Variants in LRRC4C observed in about 807,000 individuals in gnomAD.
The protein encoded by LRRC4C is leucine rich repeat containing 4C.
Under a neutral mutation model 33.6 loss-of-function variants are expected in LRRC4C, and 5 were observed. The ratio of observed to expected loss-of-function variants is 0.15; its 90% CI spans 0.08 to 0.31. The LOEUF (loss-of-function observed/expected upper bound fraction) is 0.31. Ranked by LOEUF, LRRC4C falls within the 10% of genes least tolerant of loss-of-function variation. The pLI, the probability that LRRC4C is intolerant of heterozygous loss-of-function variation, is 1.00. For synonymous variants in LRRC4C, 329 were observed against 302.0 expected, an observed-to-expected ratio of 1.09 and a Z score of -0.93; for missense variants, 560 against 796.7, an observed-to-expected ratio of 0.70 and a Z score of 3.58.
intron 2 of LRRC4C, among the ~76,000 whole-genome samples, chr11:40,800,902 TATCTG>T (rs1336408630): frequency 6.6e-6 from 1 of 152,206 alleles, no homozygotes; most frequent in African/African-American, 2.4e-5. Flanking sequence ...TCATCTCTAT[TATCTG>T]TGAGCTCCAG....
chr11:40,967,047 A>G (rs1265306962), intron 1 of LRRC4C, among the ~76,000 whole-genome samples: 1 of 152,060 alleles, frequency 6.6e-6, no homozygotes, highest in Non-Finnish European at 1.5e-5. Context: ...GAAAGAGGTG[A>G]CATTCAGACA....
At chr11:40,227,000 G>A (rs1036119760) in intron 5 of LRRC4C, among the ~76,000 whole-genome samples, 3 of 152,068 alleles carry the variant, frequency 2.0e-5, no homozygotes, top group Non-Finnish European at 4.4e-5. Context: ...CTCCTGAAAG[G>A]TGAGACCTCA....
intron 5 of LRRC4C, among the ~76,000 whole-genome samples, chr11:40,228,026 A>T (rs1296385154): frequency 1.3e-5 from 2 of 152,154 alleles, no homozygotes; most frequent in African/African-American, 4.8e-5. Flanking sequence ...TAACTAGTAA[A>T]AGTCAAAGGA....
chr11:40,484,448 T>G (rs1167050208), intron 3 of LRRC4C, among the ~76,000 whole-genome samples: 1 of 152,004 alleles, frequency 6.6e-6, no homozygotes, highest in Admixed American at 6.6e-5. Context: ...AAAGGTACTG[T>G]GAATACTAAT....
At chr11:41,407,948 G>A (rs1336180799) in intron 1 of LRRC4C, among the ~76,000 whole-genome samples, 1 of 152,152 alleles carries the variant, frequency 6.6e-6, no homozygotes, top group African/African-American at 2.4e-5. Context: ...AGCTTGCCTT[G>A]CCCTGGAGGT....
chr11:41,161,482 G>A (rs1277632663), intron 1 of LRRC4C, among the ~76,000 whole-genome samples: 1 of 151,918 alleles, frequency 6.6e-6, no homozygotes, highest in Non-Finnish European at 1.5e-5. Context: ...CTGGTCTTGG[G>A]GGCACACTGA....
chr11:40,648,978 G>C (rs975216832), intron 2 of LRRC4C, among the ~76,000 whole-genome samples: 2 of 152,132 alleles, frequency 1.3e-5, no homozygotes, highest in African/African-American at 4.8e-5. Context: ...GGGGAGGGGT[G>C]TACAAAAGGG....
chr11:40,300,636 A>G (rs1278477383), intron 4 of LRRC4C, among the ~76,000 whole-genome samples: 13 of 152,160 alleles, frequency 8.5e-5, no homozygotes, highest in African/African-American at 2.9e-4. Flanking sequence ...AAAATAGTAC[A>G]GTATTTGCAT....
intron 1 of LRRC4C, among the ~76,000 whole-genome samples, chr11:41,327,878 G>C (rs190074408): frequency 5.3e-5 from 8 of 152,164 alleles, no homozygotes; most frequent in Non-Finnish European, 1.0e-4. Context: ...GATTGTGAGG[G>C]CTCCCCAGCC....
chr11:40,301,280 C>A (rs556080971), intron 4 of LRRC4C, among the ~76,000 whole-genome samples: 2 of 152,266 alleles, frequency 1.3e-5, no homozygotes, highest in African/African-American at 2.4e-5. Flanking sequence ...TAAATAGTGA[C>A]CCAATCACTT....
chr11:41,204,608 C>G (rs1946525244), intron 1 of LRRC4C, among the ~76,000 whole-genome samples: 1 of 152,212 alleles, frequency 6.6e-6, no homozygotes, highest in Admixed American at 6.5e-5. Context: ...GAGTCAGACT[C>G]TGGCTGTCAG....
chr11:41,060,618 A>G (rs1215592252), intron 1 of LRRC4C, among the ~76,000 whole-genome samples: 2 of 152,122 alleles, frequency 1.3e-5, no homozygotes, highest in Non-Finnish European at 2.9e-5. Context: ...TCTAACTGTA[A>G]TTACTTGCTT....
intron 5 of LRRC4C, among the ~76,000 whole-genome samples, chr11:40,240,960 T>C (rs960266090): frequency 7.2e-5 from 11 of 152,220 alleles, no homozygotes; most frequent in Non-Finnish European, 1.3e-4. Flanking sequence ...TAAATATCTC[T>C]ACACAATGCA....
intron 2 of LRRC4C, among the ~76,000 whole-genome samples, chr11:40,854,688 A>ACAAAAAAAT (rs1953688397): frequency 6.6e-6 from 1 of 151,472 alleles, no homozygotes; most frequent in African/African-American, 2.4e-5. Context: ...ATGTTTGTGT[A>ACAAAAAAAT]ATTAAACACA....
intron 4 of LRRC4C, among the ~76,000 whole-genome samples, chr11:40,299,873 T>C (rs1298993564): frequency 6.6e-6 from 1 of 152,222 alleles, no homozygotes; most frequent in Non-Finnish European, 1.5e-5. Flanking sequence ...AGACAGTAGC[T>C]ACCTCAATGT....
intron 3 of LRRC4C, among the ~76,000 whole-genome samples, chr11:40,573,252 A>T (rs1028501904): frequency 6.6e-6 from 1 of 152,170 alleles, no homozygotes; most frequent in Non-Finnish European, 1.5e-5. Flanking sequence ...ATATACCTAC[A>T]AACCTATAAA....
chr11:41,268,281 T>A (rs1368582321), intron 1 of LRRC4C, among the ~76,000 whole-genome samples: 1 of 152,016 alleles, frequency 6.6e-6, no homozygotes, highest in African/African-American at 2.4e-5. Context: ...AGTAGATCAT[T>A]CCCTAGTTGA....
intron 1 of LRRC4C, among the ~76,000 whole-genome samples, chr11:41,077,452 C>T (rs1367700136): frequency 6.6e-6 from 1 of 152,220 alleles, no homozygotes; most frequent in Non-Finnish European, 1.5e-5. Context: ...AAGCCCAACA[C>T]CACATGGAAG....
intron 1 of LRRC4C, among the ~76,000 whole-genome samples, chr11:41,085,355 G>T (rs1272854585): frequency 6.6e-6 from 1 of 152,072 alleles, no homozygotes; most frequent in East Asian, 1.9e-4. Context: ...AAAATATAAT[G>T]AATCTTTGCC....
Sources: allele counts gnomAD v4.1 joint callset (sites outside exome capture counted in the v4.1 genomes callset), GRCh38; gene constraint gnomAD v4.1.1; transcripts MANE v1.5; gene names NCBI Gene and HGNC (gene_info 2026-07-23, HGNC 2026-07-21).